Variants in RERE observed in about 807,000 individuals in gnomAD.
RERE encodes arginine-glutamic acid dipeptide repeats.
In RERE, 40 loss-of-function variants were observed where a neutral mutation model predicts 146.1. That is an observed-to-expected ratio of 0.27 (90% CI 0.21 to 0.36). The LOEUF (loss-of-function observed/expected upper bound fraction) is 0.36. Among genes scored for constraint, RERE ranks in the 10% least tolerant of loss-of-function variants. RERE has a pLI of 1.00. For missense variants in RERE, 1,933 were observed against 2,138.7 expected, an observed-to-expected ratio of 0.90 and a Z score of 1.90; for synonymous variants, 1,003 against 866.0, an observed-to-expected ratio of 1.16 and a Z score of -2.78.
In RERE at chr1:8,802,625, A is replaced by AC. The variant is rs1441774157; in HGVS notation, c.-145+14534dup. Among the ~76,000 whole-genome samples the AC allele has an allele frequency of 5.9e-5, 9 of 152,236 alleles. No individual in the cohort carries two copies. In the East Asian group the frequency reaches 1.5e-3, roughly 26 times the overall value. On this transcript the variant is annotated intron_variant, in intron 1 of 22. Transcript: ENST00000400908. ...CAGAGCTGATTCTCTTTCTTAAACCACAGTATCAACACCTTTTGAGGCACT... is the reference window on the plus strand; with the variant it reads ...CAGAGCTGATTCTCTTTCTTAAACCACCAGTATCAACACCTTTTGAGGCACT...
chr1:8,604,622 G>GGAAGGGAGGA (rs1646677707), intron 4 of RERE, among the ~76,000 whole-genome samples: 1 of 46,466 alleles, frequency 2.2e-5, no homozygotes, highest in African/African-American at 8.0e-5. Flanking sequence ...GGGAGGGAGG[G>GGAAGGGAGGA]AGGAAGGAAG....
intron 4 of RERE, among the ~76,000 whole-genome samples, chr1:8,595,887 C>G (rs929477731): frequency 6.6e-6 from 1 of 152,216 alleles, no homozygotes; most frequent in African/African-American, 2.4e-5. Context: ...AAACCTTACA[C>G]AGGCACAAGG....
chr1:8,387,875 C>T (rs572237547), intron 12 of RERE, among the ~76,000 whole-genome samples: 28 of 152,290 alleles, frequency 1.8e-4, no homozygotes, highest in African/African-American at 3.1e-4. Flanking sequence ...ATAGCAGATA[C>T]GCATACCTGT....
chr1:8,573,959 C>A (rs1391202208), intron 4 of RERE, among the ~76,000 whole-genome samples: 1 of 152,096 alleles, frequency 6.6e-6, no homozygotes, highest in Non-Finnish European at 1.5e-5. Context: ...GCAAATGCCA[C>A]CACGCCCAGC....
At chr1:8,659,592 C>T (rs1192740043) in intron 1 of RERE, among the ~76,000 whole-genome samples, 1 of 152,210 alleles carries the variant, frequency 6.6e-6, no homozygotes, top group African/African-American at 2.4e-5. Context: ...TCAGCTAACA[C>T]CATTGTTAAA....
chr1:8,648,155 G>C (rs1283516674), intron 2 of RERE, among the ~76,000 whole-genome samples: 1 of 152,126 alleles, frequency 6.6e-6, no homozygotes, highest in African/African-American at 2.4e-5. Flanking sequence ...AGTTGTGGCT[G>C]TTTTAAAATT....
chr1:8,360,080 C>G, intron 18 of RERE, 32 bp downstream of exon 18: 1 of 1,510,968 alleles, frequency 6.6e-7, no homozygotes, highest in South Asian at 1.2e-5. Context: ...CCCACCTGTG[C>G]CTGACCCGTC....
chr1:8,621,766 T>A (rs1258672519), intron 3 of RERE, among the ~76,000 whole-genome samples: 1 of 152,234 alleles, frequency 6.6e-6, no homozygotes, highest in Admixed American at 6.5e-5. Flanking sequence ...TCTTAAAATC[T>A]TGCAGAGAAA....
rs1355527638 is a variant in RERE at position 8,564,868 on chromosome 1, GTGTA to G, written c.523-7349_523-7346del. Among the ~76,000 whole-genome samples, 198 of 124,582 alleles carry G rather than the reference GTGTA, an allele frequency of 1.6e-3. 1 individual carries two copies. Among genetic ancestry groups the G allele is most frequent in the African/African-American group, 3.7e-3 (101 of 27,566 alleles). The allele number at this position is 124,582 out of a possible 152,430, so 81.7% of individuals were successfully genotyped here. On this transcript the variant is annotated intron_variant, in intron 4 of 22. Coordinates refer to ENST00000400908, the MANE Select transcript of RERE (RefSeq NM_001042681.2). ...TGTGTGTGTGTGTGTGTGTGTGTGT[GTGTA>G]TATATATATATAAAACTACTATTCA...
intron 3 of RERE, among the ~76,000 whole-genome samples, chr1:8,623,165 C>T (rs75748858): frequency 0.026 from 3,945 of 152,164 alleles, 155 homozygotes; most frequent in African/African-American, 0.089. Flanking sequence ...CAGTGGTTCC[C>T]GGCTGGCATG....
rs1380610451 is a variant in RERE, at chr1:8,355,577, C to A, written c.4509G>T (p.Leu1503=). Residue 1503 remains leucine, a synonymous_variant, in exon 22 of 23, where the codon CTG becomes CTT. Coordinates refer to ENST00000400908, the MANE Select transcript of RERE (RefSeq NM_001042681.2). ...PVFGTPYPRD[L]PGAIPPPMSA... is the part of the protein sequence containing the mutation. ...ACATGGGGGGTGGGATGGCCCCAGG[C>A]AGGTCACGGGGGTAGGGGGTGCCTG... 2 of 1,593,648 alleles carry A rather than the reference C, an allele frequency of 1.3e-6. No individual in the cohort carries two copies. Among genetic ancestry groups the A allele is most frequent in the Non-Finnish European group, 1.7e-6 (2 of 1,168,050 alleles).
intron 2 of RERE, among the ~76,000 whole-genome samples, 179 bp downstream of exon 2, chr1:8,655,794 G>T (rs925384787): frequency 6.6e-6 from 1 of 152,144 alleles, no homozygotes; most frequent in African/African-American, 2.4e-5. Context: ...GCAGACACAA[G>T]CAAGAAGTGG....
intron 12 of RERE, among the ~76,000 whole-genome samples, chr1:8,391,104 A>C (rs1394820495): frequency 6.6e-6 from 1 of 152,206 alleles, no homozygotes; most frequent in East Asian, 1.9e-4. Context: ...TCTTAAAAAT[A>C]ACAAAATAAA....
intron 12 of RERE, 110 bp downstream of exon 12, chr1:8,422,617 G>T: frequency 1.3e-6 from 1 of 781,802 alleles, no homozygotes; most frequent in Non-Finnish European, 2.2e-6. Context: ...GCCAGCCCGA[G>T]TCTGAGCACA....
intron 4 of RERE, among the ~76,000 whole-genome samples, chr1:8,590,199 A>G (rs1646476113): frequency 6.6e-6 from 1 of 152,170 alleles, no homozygotes; most frequent in Non-Finnish European, 1.5e-5. Flanking sequence ...AACAATAAAG[A>G]TATGAAAACT....
chr1:8,479,804 T>A (rs538177110), intron 10 of RERE, among the ~76,000 whole-genome samples: 6 of 152,324 alleles, frequency 3.9e-5, no homozygotes, highest in African/African-American at 9.6e-5. Flanking sequence ...TTGGGTAATT[T>A]GTTACAGTAG....
chr1:8,578,225 C>T lies in RERE; in HGVS notation c.523-20702G>A, dbSNP rs568380323. Among the ~76,000 whole-genome samples, 474 of 152,284 alleles carry T rather than the reference C, an allele frequency of 3.1e-3. 2 individuals carry two copies. Among genetic ancestry groups the T allele is most frequent in the African/African-American group, 0.011 (453 of 41,546 alleles). On this transcript the variant is annotated intron_variant, in intron 4 of 22. Transcript: ENST00000400908. ...TCTATGTTTCGTATTTCCACAAACT[C>T]CTCTTTGATTACAGATTATGTCTTT...
intron 6 of RERE, among the ~76,000 whole-genome samples, chr1:8,549,459 G>A (rs1377356532): frequency 6.6e-6 from 1 of 151,936 alleles, no homozygotes; most frequent in African/African-American, 2.4e-5. Flanking sequence ...AGATTTATGG[G>A]ATAAAAGGGA....
At chr1:8,635,833 G>GT (rs1198934381) in intron 2 of RERE, among the ~76,000 whole-genome samples, 1 of 144,584 alleles carries the variant, frequency 6.9e-6, no homozygotes, top group Non-Finnish European at 1.5e-5. Context: ...AATGTGCCAC[G>GT]TAAGTGCTGG....
Sources: allele counts gnomAD v4.1 joint callset (sites outside exome capture counted in the v4.1 genomes callset), GRCh38; gene constraint gnomAD v4.1.1; transcripts MANE v1.5; gene names NCBI Gene and HGNC (gene_info 2026-07-23, HGNC 2026-07-21).